RNF216: variants seen among roughly 807,000 people sequenced by gnomAD.
The protein encoded by RNF216 is E3 ubiquitin-protein ligase RNF216.
In RNF216, 72 loss-of-function variants were observed where a neutral mutation model predicts 110.8. That is an observed-to-expected ratio of 0.65 (90% confidence interval 0.54 to 0.79). The LOEUF is 0.79. RNF216 is among the 30% of genes least tolerant of loss of function. RNF216 has a pLI of 0.00. For missense variants in RNF216, 1,342 were observed against 1,141.2 expected (o/e 1.18, Z -2.54); for synonymous variants, 495 against 407.5 (o/e 1.21, Z -2.59).
At chr7:5,712,674 G>C (rs1225873031) in intron 12 of RNF216, 41 bp downstream of exon 12, 3 of 1,609,842 alleles carry the variant, frequency 1.9e-6, no homozygotes, top group Admixed American at 1.7e-5. Context: ...TTTCACAATG[G>C]GGAAGAGTTG....
intron 13 of RNF216, among the ~76,000 whole-genome samples, chr7:5,669,936 T>C (rs964550424): frequency 4.6e-5 from 7 of 151,860 alleles, no homozygotes; most frequent in Admixed American, 2.6e-4. Context: ...AAATCCTTTT[T>C]TTTTTTTTGA....
intron 13 of RNF216, among the ~76,000 whole-genome samples, chr7:5,710,087 T>G (rs559194242): frequency 1.0e-3 from 158 of 152,122 alleles, no homozygotes; most frequent in African/African-American, 3.7e-3. Flanking sequence ...AGGCTGGGGG[T>G]GGTGGCTTAC....
chr7:5,737,567 G>A lies in RNF216; in HGVS notation c.1121+1709C>T, dbSNP rs762342656. The stretch of plus-strand genomic sequence containing the variant: ...ATAATAAATAAATAAATATAAATCT[G>A]ATGACAGTGGTTGCCTCTGTACAGA... On this transcript the variant is annotated intron_variant, in intron 5 of 16. Coordinates refer to ENST00000389902, the MANE Select transcript of RNF216 (RefSeq NM_207111.4). Among the ~76,000 whole-genome samples the A allele has an allele frequency of 8.2e-4, 125 of 151,806 alleles. 1 individual carries two copies. The highest frequency in any genetic ancestry group is 5.7e-4 in the Non-Finnish European group (39 of 67,962).
At chr7:5,767,690 C>T (rs2128676920) in intron 1 of RNF216, among the ~76,000 whole-genome samples, 2 of 151,892 alleles carry the variant, frequency 1.3e-5, no homozygotes, top group Non-Finnish European at 2.9e-5. Context: ...CCTCTGCCTC[C>T]TGGGTTCAAG....
chr7:5,627,750 A>T (rs1365192737), intron 15 of RNF216, among the ~76,000 whole-genome samples: 1 of 151,848 alleles, frequency 6.6e-6, no homozygotes, highest in Non-Finnish European at 1.5e-5. Context: ...TGTCTAAAAA[A>T]AAAAAAAAGA....
chr7:5,725,246 C>T (rs912725158), intron 8 of RNF216, 78 bp downstream of exon 8: 10 of 852,704 alleles, frequency 1.2e-5, no homozygotes, highest in Admixed American at 2.0e-5. Flanking sequence ...ACCTGTAGCA[C>T]GGCTTCCTTC....
chr7:5,749,924 T>C (rs1164874459), intron 3 of RNF216, among the ~76,000 whole-genome samples: 1 of 152,200 alleles, frequency 6.6e-6, no homozygotes, highest in South Asian at 2.1e-4. Flanking sequence ...TCTTTTAATG[T>C]TTTGTTTTCC....
chr7:5,668,543 T>C (rs1789684418), intron 13 of RNF216, among the ~76,000 whole-genome samples: 1 of 152,116 alleles, frequency 6.6e-6, no homozygotes, highest in Admixed American at 6.6e-5. Flanking sequence ...CTTTTAATCT[T>C]TCCCTCCTTG....
At chr7:5,691,203 G>C (rs1791315798) in intron 13 of RNF216, among the ~76,000 whole-genome samples, 1 of 152,210 alleles carries the variant, frequency 6.6e-6, no homozygotes, top group Non-Finnish European at 1.5e-5. Flanking sequence ...AGGGTGCTCT[G>C]CCAGGTCTAC....
At chr7:5,767,470 A>T (rs1308932150) in intron 1 of RNF216, among the ~76,000 whole-genome samples, 2 of 152,082 alleles carry the variant, frequency 1.3e-5, no homozygotes, top group Non-Finnish European at 2.9e-5. Flanking sequence ...CAAAAACCAG[A>T]ATAACCTCCT....
intron 13 of RNF216, among the ~76,000 whole-genome samples, chr7:5,683,776 C>A (rs1424763365): frequency 6.6e-6 from 1 of 152,134 alleles, no homozygotes; most frequent in African/African-American, 2.4e-5. Context: ...ATGAGCCATA[C>A]AATTATCATC....
intron 13 of RNF216, among the ~76,000 whole-genome samples, chr7:5,703,543 C>T (rs1165781318): frequency 1.3e-5 from 2 of 152,140 alleles, no homozygotes; most frequent in Admixed American, 6.5e-5. Flanking sequence ...TTGTACTTCA[C>T]GGCTGTAAAG....
chr7:5,780,981 G>T (rs1029673974), intron 1 of RNF216, among the ~76,000 whole-genome samples: 5 of 152,210 alleles, frequency 3.3e-5, no homozygotes, highest in Admixed American at 6.5e-5. Context: ...ACCCGAGCCG[G>T]GCCAGCCCCC....
At chr7:5,630,252 C>A (rs534265630) in intron 15 of RNF216, among the ~76,000 whole-genome samples, 2 of 152,076 alleles carry the variant, frequency 1.3e-5, no homozygotes, top group African/African-American at 4.8e-5. Flanking sequence ...AGGCTGCTGG[C>A]GTCACGGGAA....
At chr7:5,667,967 G>A (rs370686230) in intron 13 of RNF216, among the ~76,000 whole-genome samples, 16 of 152,172 alleles carry the variant, frequency 1.1e-4, no homozygotes, top group Non-Finnish European at 1.2e-4. Flanking sequence ...AGGGTACAGC[G>A]CAGCTTCAAG....
At chr7:5,679,079 A>G (rs751698451) in intron 13 of RNF216, among the ~76,000 whole-genome samples, 3 of 152,250 alleles carry the variant, frequency 2.0e-5, no homozygotes, top group African/African-American at 7.2e-5. Context: ...AGTGGAATGA[A>G]TAACAGCAGC....
chr7:5,678,080 G>T (rs1296024887), intron 13 of RNF216, among the ~76,000 whole-genome samples: 1 of 152,068 alleles, frequency 6.6e-6, no homozygotes, highest in East Asian at 1.9e-4. Context: ...CCAGTTCAGA[G>T]ATGTGCACTC....
chr7:5,665,686 A>G (rs2128589913), intron 13 of RNF216, among the ~76,000 whole-genome samples: 1 of 152,196 alleles, frequency 6.6e-6, no homozygotes, highest in Admixed American at 6.5e-5. Flanking sequence ...GTGGGAGGGT[A>G]AAGTCTTTCT....
intron 13 of RNF216, among the ~76,000 whole-genome samples, chr7:5,701,697 A>T (rs913912597): frequency 1.6e-4 from 25 of 152,224 alleles, no homozygotes; most frequent in African/African-American, 5.5e-4. Flanking sequence ...CCTTGTCTTA[A>T]CCACTGAGCT....
Sources: allele counts gnomAD v4.1 joint callset (sites outside exome capture counted in the v4.1 genomes callset), GRCh38; gene constraint gnomAD v4.1.1; transcripts MANE v1.5; gene names NCBI Gene and HGNC (gene_info 2026-07-23, HGNC 2026-07-21).